LCORL: variants seen among roughly 807,000 people sequenced by gnomAD.
The protein encoded by LCORL is ligand dependent nuclear receptor corepressor like.
In LCORL, 41 loss-of-function variants were observed where a neutral mutation model predicts 141.8. The observed-to-expected ratio is 0.29, with a 90% CI of 0.23 to 0.38. The LOEUF (loss-of-function observed/expected upper bound fraction) is 0.38. Ranked by LOEUF, LCORL falls within the 10% of genes least tolerant of loss-of-function variation. The pLI is 1.00. For missense variants in LCORL, 1,759 were observed against 2,035.0 expected, an observed-to-expected ratio of 0.86 and a Z score of 2.61; for synonymous variants, 618 against 694.1, an observed-to-expected ratio of 0.89 and a Z score of 1.72.
At chr4:17,920,116 T>C (rs1208199011) in intron 4 of LCORL, among the ~76,000 whole-genome samples, 1 of 152,128 alleles carries the variant, frequency 6.6e-6, no homozygotes, top group Non-Finnish European at 1.5e-5. Context: ...TTCCAGCAAA[T>C]TAATCGAACC....
intron 1 of LCORL, among the ~76,000 whole-genome samples, chr4:18,010,489 G>A (rs1346994512): frequency 6.6e-6 from 1 of 151,892 alleles, no homozygotes; most frequent in African/African-American, 2.4e-5. Context: ...TTGCTCTGTT[G>A]CCCAGGCTGG....
At chr4:17,859,427 A>T (rs1351097054) in intron 7 of LCORL, among the ~76,000 whole-genome samples, 2 of 152,180 alleles carry the variant, frequency 1.3e-5, no homozygotes, top group Non-Finnish European at 2.9e-5. Context: ...ATATATTTTT[A>T]AAAATGTGAT....
At chr4:17,875,837 A>G in exon 7 of LCORL, 1 of 1,230,944 alleles carries the variant, frequency 8.1e-7, no homozygotes, top group Non-Finnish European at 1.0e-6. Context: ...TATTTATATC[A>G]CCTATAAACA....
intron 2 of LCORL, among the ~76,000 whole-genome samples, chr4:17,971,258 C>G (rs1715869648): frequency 6.6e-6 from 1 of 151,992 alleles, no homozygotes; most frequent in African/African-American, 2.4e-5. Flanking sequence ...CTAAAATATA[C>G]ACACTTTTCT....
intron 5 of LCORL, among the ~76,000 whole-genome samples, chr4:17,886,613 A>C (rs1316221065): frequency 6.6e-6 from 1 of 152,080 alleles, no homozygotes; most frequent in Non-Finnish European, 1.5e-5. Context: ...TAGGACTAGC[A>C]AAAGGTAAAC....
chr4:17,894,128 C>G (rs1027420759), intron 5 of LCORL, among the ~76,000 whole-genome samples: 13 of 152,004 alleles, frequency 8.6e-5, no homozygotes, highest in African/African-American at 2.9e-4. Flanking sequence ...AGCACTTTCC[C>G]CAATTTATGA....
intron 1 of LCORL, among the ~76,000 whole-genome samples, chr4:18,006,144 C>T (rs1407135991): frequency 6.6e-6 from 1 of 152,292 alleles, no homozygotes; most frequent in East Asian, 1.9e-4. Context: ...CCTAAATCAT[C>T]TCTGTCAAGT....
At chr4:17,950,253 T>C (rs886390383) in intron 4 of LCORL, among the ~76,000 whole-genome samples, 73 of 152,306 alleles carry the variant, frequency 4.8e-4, no homozygotes, top group African/African-American at 1.6e-3. Context: ...AACCATTCTT[T>C]ATTATTCATC....
intron 4 of LCORL, among the ~76,000 whole-genome samples, chr4:17,935,455 G>C (rs1439467920): frequency 1.3e-5 from 2 of 152,190 alleles, no homozygotes; most frequent in Non-Finnish European, 1.5e-5. Flanking sequence ...GATGGGTCTA[G>C]TGGGAGATGT....
At chr4:17,983,496 T>C (rs1359424798) in intron 1 of LCORL, among the ~76,000 whole-genome samples, 1 of 152,188 alleles carries the variant, frequency 6.6e-6, no homozygotes, top group African/African-American at 2.4e-5. Flanking sequence ...TGTTTAGCTG[T>C]ATTCCCGGAT....
rs748702669 is a variant in LCORL at position 18,021,695 on chromosome 4, GGCGGCGGCGGCAGCA to G, written c.42_56del (p.Ala18_Ala22del). 387 of 1,533,022 alleles carry G rather than the reference GGCGGCGGCGGCAGCA, an allele frequency of 2.5e-4. 5 individuals carry two copies. The highest frequency in any genetic ancestry group is 1.9e-3 in the South Asian group (161 of 82,600). 95.0% of individuals were successfully genotyped at this position (1,533,022 alleles called of 1,614,324 possible). ...GAGGGCTCCGGCACTGAGCGGCGGC[GGCGGCGGCGGCAGCA>G]GCGGCGGCGGCAGCGGCCATTCTCT... On this transcript the variant is annotated inframe_deletion, in exon 1 of 8. Coordinates refer to ENST00000635767, the Ensembl canonical transcript of LCORL. The surrounding 1 kb of genome is among the most constrained non-coding windows in gnomAD (Gnocchi z 5.5).
intron 4 of LCORL, among the ~76,000 whole-genome samples, chr4:17,928,928 GAACT>G (rs140635143): frequency 0.019 from 2,861 of 151,964 alleles, 101 homozygotes; most frequent in African/African-American, 0.065. Flanking sequence ...CAAACATTAA[GAACT>G]AATAGTCAAG....
intron 4 of LCORL, among the ~76,000 whole-genome samples, chr4:17,917,374 G>A (rs988544525): frequency 6.6e-6 from 1 of 152,110 alleles, no homozygotes; most frequent in African/African-American, 2.4e-5. Context: ...TGTATTTTTA[G>A]TAGAGATGGG....
At chr4:17,984,368 G>C (rs1577638512) in intron 1 of LCORL, among the ~76,000 whole-genome samples, 1 of 152,210 alleles carries the variant, frequency 6.6e-6, no homozygotes, top group South Asian at 2.1e-4. Context: ...TGTGTATCTG[G>C]TAGAATTCGG....
intron 4 of LCORL, among the ~76,000 whole-genome samples, chr4:17,910,091 TAA>T: frequency 6.6e-6 from 1 of 152,208 alleles, no homozygotes; most frequent in Non-Finnish European, 1.5e-5. Context: ...CTGAGAGTTT[TAA>T]CCAAAACATT....
At chr4:17,954,895 T>C (rs776702349) in intron 4 of LCORL, among the ~76,000 whole-genome samples, 2 of 152,158 alleles carry the variant, frequency 1.3e-5, no homozygotes, top group Non-Finnish European at 2.9e-5. Flanking sequence ...AGACAGGTCA[T>C]TGTGGGATGC....
At chr4:17,938,378 TG>T (rs1427512372) in intron 4 of LCORL, among the ~76,000 whole-genome samples, 1 of 151,732 alleles carries the variant, frequency 6.6e-6, no homozygotes, top group African/African-American at 2.4e-5. Context: ...TTAATGATCT[TG>T]GGTGTGTAGT....
chr4:18,019,213 C>T (rs955082887), intron 1 of LCORL, among the ~76,000 whole-genome samples: 1 of 152,242 alleles, frequency 6.6e-6, no homozygotes, highest in African/African-American at 2.4e-5. Flanking sequence ...GTGGCGGACG[C>T]CTGTAATCCC....
At chr4:17,878,006 G>A (rs1166219239) in exon 7 of LCORL, 7 of 1,230,376 alleles carry the variant, frequency 5.7e-6, no homozygotes, top group African/African-American at 1.6e-5. Flanking sequence ...AATCATCTTC[G>A]ATTAAGGGCT....
Sources: gnomAD v4.1 joint callset for allele counts (sites outside exome capture counted in the v4.1 genomes callset) on GRCh38, gnomAD v4.1.1 for gene constraint, Gnocchi (gnomAD v3.1) non-coding constraint, MANE v1.5 for transcripts, NCBI Gene and HGNC (gene_info 2026-07-23, HGNC 2026-07-21) for gene names.